AP2M1: variants seen among roughly 807,000 people sequenced by gnomAD.
The protein encoded by AP2M1 is AP-2 complex subunit mu.
Under a neutral mutation model 54.5 loss-of-function variants are expected in AP2M1, and 5 were observed. The observed-to-expected ratio is 0.09, with a 90% CI of 0.05 to 0.19. The LOEUF (loss-of-function observed/expected upper bound fraction) is 0.19, where lower values mean the gene tolerates loss of function less well. Among genes scored for constraint, AP2M1 ranks in the 10% least tolerant of loss-of-function variants. AP2M1 has a pLI of 1.00. For synonymous variants in AP2M1, 186 were observed against 208.2 expected (o/e 0.89, Z 0.92); for missense variants, 178 against 580.2 (o/e 0.31, Z 7.12).
intron 1 of AP2M1, 171 bp from the exon 2 acceptor site, chr3:184,176,780 A>G: frequency 1.9e-6 from 1 of 533,110 alleles, no homozygotes; most frequent in East Asian, 3.2e-5. Context: ...TCTAGTGTGG[A>G]ATAAACAGGA....
At position 184,176,958 on chromosome 3, in the gene AP2M1, C is replaced by T. The variant is rs776385102; in HGVS notation, c.-36C>T. On this transcript the variant is annotated 5_prime_UTR_variant, in exon 2 of 12. Transcript: ENST00000292807. The stretch of plus-strand genomic sequence containing the variant: ...TGCCCCCGCCTGTCCTAGGTCTGTT[C>T]TCAGAGCGATGGGCCGCGGAGACTG... 1.9e-6 allele frequency: 3 copies of T among 1,610,104 alleles called. No individual in the cohort carries two copies. The highest frequency in any genetic ancestry group is 8.5e-7 in the Non-Finnish European group (1 of 1,177,890).
chr3:184,181,335 T>C lies in AP2M1; in HGVS notation c.707+109T>C, dbSNP rs1383544772. 1.3e-6 allele frequency: 2 copies of C among 1,508,148 alleles called. No individual in the cohort carries two copies. The highest frequency in any genetic ancestry group is 2.8e-5 in the African/African-American group (2 of 72,680). 93.4% of individuals were successfully genotyped at this position (1,508,148 alleles called of 1,614,324 possible). ...TTTCATTCCCACTGTAATTGCAAAC[T>C]CTGTTCCTGACGGTAAGCCTGGCTG... On this transcript the variant is annotated intron_variant, in intron 7 of 11. Transcript: ENST00000292807. This position sits in a 1 kb window ranked among gnomAD's most constrained non-coding sequence, Gnocchi z 5.7.
In AP2M1 at chr3:184,184,018, G is replaced by A. The variant is rs906766634; in HGVS notation, c.*402G>A. On this transcript the variant is annotated 3_prime_UTR_variant, in exon 12 of 12. Coordinates refer to ENST00000292807, the MANE Select transcript of AP2M1 (RefSeq NM_004068.4). ...CCGGCCTCAGTCCCTACTCTGCTTT[G>A]GGATAGTGTGAGCTTCATTTTGTAC... 5.0e-6 allele frequency: 1 copy of A among 201,584 alleles called. No individual in the cohort carries two copies. Among genetic ancestry groups the A allele is most frequent in the African/African-American group, 2.3e-5 (1 of 44,088 alleles). The allele number at this position is 201,584 out of a possible 1,614,324, so 12.5% of individuals were successfully genotyped here.
intron 2 of AP2M1, chr3:184,177,540 C>T: frequency 6.5e-7 from 1 of 1,535,810 alleles, no homozygotes; most frequent in South Asian, 1.2e-5. Flanking sequence ...CTCCCTTTCT[C>T]AGGAGTCGTC....
rs1247839798 is a variant in AP2M1, at chr3:184,180,747, G to A, written c.429+97G>A. ...TAGGGGAAAATGGATTACAGGTGGGGACTAGAAGGGATGGGGAATGAGGGT... is the reference window on the plus strand; with the variant it reads ...TAGGGGAAAATGGATTACAGGTGGGAACTAGAAGGGATGGGGAATGAGGGT... On this transcript the variant is annotated intron_variant, in intron 5 of 11. Coordinates refer to ENST00000292807, the MANE Select transcript of AP2M1 (RefSeq NM_004068.4). The surrounding 1 kb of genome is among the most constrained non-coding windows in gnomAD (Gnocchi z 4.9). 6.2e-7 allele frequency: 1 copy of A among 1,614,030 alleles called. No homozygotes were observed. The highest frequency in any genetic ancestry group is 8.5e-7 in the Non-Finnish European group (1 of 1,179,972).
chr3:184,181,389 A>C lies in AP2M1; in HGVS notation c.707+163A>C. On this transcript the variant is annotated intron_variant, in intron 7 of 11. Coordinates refer to ENST00000292807, the MANE Select transcript of AP2M1 (RefSeq NM_004068.4). This position sits in a 1 kb window ranked among gnomAD's most constrained non-coding sequence, Gnocchi z 5.7. ...GCTCTTGACATTAGTGCTACGAGAG[A>C]TGAGGGGATCGTCCTCAGAGAGCAA... is the stretch of plus-strand genomic sequence containing the variant. 2.7e-6 allele frequency: 3 copies of C among 1,119,972 alleles called. No individual in the cohort carries two copies. Among genetic ancestry groups the C allele is most frequent in the Non-Finnish European group, 3.8e-6 (3 of 787,878 alleles). The allele number at this position is 1,119,972 out of a possible 1,614,324, so 69.4% of individuals were successfully genotyped here.
Position 184,178,863 on chromosome 3 carries a change from C to T in AP2M1, c.81C>T (p.Asn27=), listed in dbSNP as rs556633717. ...ATGCACTCTTTTCCCTCAGGAGGAACGCAGTGGATGCCTTTCGGGTCAATG... is the reference window on the plus strand; with the variant it reads ...ATGCACTCTTTTCCCTCAGGAGGAATGCAGTGGATGCCTTTCGGGTCAATG... ...SRVYRDDIGR[N]AVDAFRVNVI... Residue 27 remains asparagine (N), a synonymous_variant, in exon 3 of 12, where the codon AAC becomes AAT. Coordinates refer to ENST00000292807, the MANE Select transcript of AP2M1 (RefSeq NM_004068.4). This position sits in a 1 kb window ranked among gnomAD's most constrained non-coding sequence, Gnocchi z 4.9. The T allele has an allele frequency of 9.7e-5, 156 of 1,613,894 alleles. 1 individual carries two copies. The South Asian group carries it at 1.5e-3, about 16-fold the overall frequency.
intron 2 of AP2M1, 137 bp downstream of exon 2, chr3:184,177,204 T>C: frequency 2.3e-6 from 2 of 882,448 alleles, no homozygotes; most frequent in East Asian, 2.7e-5. Context: ...GCTCAGCTAG[T>C]GTAGCCTGGC....
rs764987371 is a variant in AP2M1 at position 184,182,942 on chromosome 3, G to A, written c.1173+74G>A. 17 of 1,231,968 alleles carry A rather than the reference G, an allele frequency of 1.4e-5. No homozygotes were observed. The highest frequency in any genetic ancestry group is 2.5e-5 in the South Asian group (2 of 79,628). 76.3% of individuals were successfully genotyped at this position (1,231,968 alleles called of 1,614,324 possible). A position where few individuals can be genotyped will look rare whatever the true frequency, so the allele number is the denominator to read the frequency against. On this transcript the variant is annotated intron_variant, in intron 11 of 11. Coordinates refer to ENST00000292807, the MANE Select transcript of AP2M1 (RefSeq NM_004068.4). The surrounding 1 kb of genome is among the most constrained non-coding windows in gnomAD (Gnocchi z 5.5). Reference sequence around the variant, plus strand: ...CTCTTAGAGATCATTCCGATAAACTGCTGCACCTTAGAGGTGAGGAAACTG... The same window carrying A: ...CTCTTAGAGATCATTCCGATAAACTACTGCACCTTAGAGGTGAGGAAACTG...
intron 1 of AP2M1, chr3:184,176,686 G>A: frequency 2.2e-6 from 1 of 453,418 alleles, no homozygotes; most frequent in Non-Finnish European, 3.9e-6. Context: ...GGGGGCGGGG[G>A]TTACTGATGC....
chr3:184,175,270 A>G (rs909799848), intron 1 of AP2M1, among the ~76,000 whole-genome samples: 9 of 150,936 alleles, frequency 6.0e-5, no homozygotes, highest in African/African-American at 2.2e-4. Flanking sequence ...CCAACCCCCT[A>G]CCCCTCCGCG....
In AP2M1 at chr3:184,178,738, G is replaced by A. The variant is rs1324183967; in HGVS notation, c.75-119G>A. The A allele has an allele frequency of 7.7e-7, 1 of 1,300,732 alleles. No homozygotes were observed. Among genetic ancestry groups the A allele is most frequent in the Non-Finnish European group, 1.1e-6 (1 of 945,492 alleles). The allele number at this position is 1,300,732 out of a possible 1,614,324, so 80.6% of individuals were successfully genotyped here. Reference sequence around the variant, plus strand: ...GTGGTTTAGGCATTGGCTTTCTTTGGAGTGTGTGTGTCAGACTTCTGCAGA... The same window carrying A: ...GTGGTTTAGGCATTGGCTTTCTTTGAAGTGTGTGTGTCAGACTTCTGCAGA... On this transcript the variant is annotated intron_variant, in intron 2 of 11. Coordinates refer to ENST00000292807, the MANE Select transcript of AP2M1 (RefSeq NM_004068.4). The surrounding 1 kb of genome is among the most constrained non-coding windows in gnomAD (Gnocchi z 4.9).
chr3:184,183,431 A>G lies in AP2M1; in HGVS notation c.1174-51A>G, dbSNP rs776086469. On this transcript the variant is annotated intron_variant, in intron 11 of 11. Transcript: ENST00000292807. This position sits in a 1 kb window ranked among gnomAD's most constrained non-coding sequence, Gnocchi z 5.7. Reference sequence around the variant, plus strand: ...GCAGGGCAACGGGACTTCCCAGAGGAGAGCGGCTGTAAGAGGAAGGCCACA... The same window carrying G: ...GCAGGGCAACGGGACTTCCCAGAGGGGAGCGGCTGTAAGAGGAAGGCCACA... 3.1e-6 allele frequency: 5 copies of G among 1,611,060 alleles called. No individual in the cohort carries two copies. In the South Asian group the frequency reaches 5.5e-5, roughly 18 times the overall value.
At position 184,178,195 on chromosome 3, in the gene AP2M1, T is replaced by C. The variant is rs1337136815; in HGVS notation, c.75-662T>C. 6.5e-7 allele frequency: 1 copy of C among 1,535,924 alleles called. No individual in the cohort carries two copies. The highest frequency in any genetic ancestry group is 8.7e-7 in the Non-Finnish European group (1 of 1,146,674). On this transcript the variant is annotated intron_variant, in intron 2 of 11. Coordinates refer to ENST00000292807, the MANE Select transcript of AP2M1 (RefSeq NM_004068.4). This position sits in a 1 kb window ranked among gnomAD's most constrained non-coding sequence, Gnocchi z 4.9. ...CTTCTTGCTGGCGTCATTTCTCTCATCCCATCTCATTGGCTGCCGTAGCAA... is the reference window on the plus strand; with the variant it reads ...CTTCTTGCTGGCGTCATTTCTCTCACCCCATCTCATTGGCTGCCGTAGCAA...
At chr3:184,179,910 C>G (rs566530539) in intron 3 of AP2M1, among the ~76,000 whole-genome samples, 1 of 152,310 alleles carries the variant, frequency 6.6e-6, no homozygotes, top group Non-Finnish European at 1.5e-5. Flanking sequence ...ATTCTCCCAC[C>G]TTGGCCTCCC....
chr3:184,182,783 A>G lies in AP2M1; in HGVS notation c.1088A>G (p.Glu363Gly). The G allele has an allele frequency of 6.2e-7, 1 of 1,614,134 alleles. No individual in the cohort carries two copies. The highest frequency in any genetic ancestry group is 8.5e-7 in the Non-Finnish European group (1 of 1,180,006). Residue 363 changes from glutamate (E) to glycine (G), a missense_variant, in exon 11 of 12, where the codon GAA (glutamate) becomes GGA (glycine). Glu to Gly is a moderately conservative substitution (Grantham distance 98). Around this residue, in one of 5 missense-constraint regions of AP2M1, gnomAD observed 59 missense variants for 176.8 expected, o/e 0.33. Coordinates refer to ENST00000292807, the MANE Select transcript of AP2M1 (RefSeq NM_004068.4). This position sits in a 1 kb window ranked among gnomAD's most constrained non-coding sequence, Gnocchi z 5.5. ...ATCAAGCGCATGGCAGGCATGAAGG[A>G]ATCGCAGATCAGCGCAGAGATTGAG... The part of the protein sequence containing the change: ...WKIKRMAGMK[E>G]SQISAEIELL...
chr3:184,178,286 C>G lies in AP2M1; in HGVS notation c.75-571C>G. On this transcript the variant is annotated intron_variant, in intron 2 of 11. Transcript: ENST00000292807. The surrounding 1 kb of genome is among the most constrained non-coding windows in gnomAD (Gnocchi z 4.9). The stretch of plus-strand genomic sequence containing the variant: ...GGTGGGGGCCTGCCCCCATCGTTTT[C>G]CTGCATCCTTTTTCATTCCCTCAAC... 2 of 1,511,300 alleles carry G rather than the reference C, an allele frequency of 1.3e-6. No individual in the cohort carries two copies. The highest frequency in any genetic ancestry group is 1.8e-6 in the Non-Finnish European group (2 of 1,124,222). 93.6% of individuals were successfully genotyped at this position (1,511,300 alleles called of 1,614,324 possible).
At position 184,179,144 on chromosome 3, in the gene AP2M1, G is replaced by A. The variant is rs777442995; in HGVS notation, c.340+22G>A. On this transcript the variant is annotated intron_variant, in intron 3 of 11. Transcript: ENST00000292807. ...GATGGTGAGGCTGGCGGGCTGGCAC[G>A]GCAGCGGGCGTAGGGTGGGAAAAAA... is the stretch of plus-strand genomic sequence containing the variant. 1.3e-4 allele frequency: 206 copies of A among 1,608,530 alleles called. 6 individuals carry two copies. The Admixed American group carries it at 3.2e-3, about 25-fold the overall frequency.
Position 184,183,773 on chromosome 3 carries a change from G to A in AP2M1, c.*157G>A. 1 of 848,462 alleles carries A rather than the reference G, an allele frequency of 1.2e-6. No homozygotes were observed. The highest frequency in any genetic ancestry group is 1.8e-6 in the Non-Finnish European group (1 of 563,104). The allele number at this position is 848,462 out of a possible 1,614,324, so 52.6% of individuals were successfully genotyped here. On this transcript the variant is annotated 3_prime_UTR_variant, in exon 12 of 12. Coordinates refer to ENST00000292807, the MANE Select transcript of AP2M1 (RefSeq NM_004068.4). The surrounding 1 kb of genome is among the most constrained non-coding windows in gnomAD (Gnocchi z 5.7). ...TAGGTCTGGGCCAAGCACATTACAAGTGGGACCGGTGGAGCAGCCCCTGGG... is the reference window on the plus strand; with the variant it reads ...TAGGTCTGGGCCAAGCACATTACAAATGGGACCGGTGGAGCAGCCCCTGGG...
Sources: allele counts gnomAD v4.1 joint callset (sites outside exome capture counted in the v4.1 genomes callset), GRCh38; gene constraint gnomAD v4.1.1; regional missense constraint gnomAD v4.1.1; non-coding constraint Gnocchi (gnomAD v3.1); transcripts MANE v1.5; gene names NCBI Gene and HGNC (gene_info 2026-07-23, HGNC 2026-07-21).